GPC6: variants seen among roughly 807,000 people sequenced by gnomAD.
GPC6 encodes glypican 6, also known as glypican-6.
A neutral mutation model predicts 55.2 loss-of-function variants in GPC6; 14 were observed. The observed-to-expected ratio is 0.25, with a 90% CI of 0.17 to 0.40. GPC6 has a LOEUF of 0.40. Among genes scored for constraint, GPC6 ranks in the 10% least tolerant of loss-of-function variants. The pLI is 1.00. For missense variants in GPC6, 641 were observed against 708.5 expected, an observed-to-expected ratio of 0.90 and a Z score of 1.08; for synonymous variants, 278 against 259.6, an observed-to-expected ratio of 1.07 and a Z score of -0.68.
chr13:94,064,518 A>G (rs78048699), intron 4 of GPC6, among the ~76,000 whole-genome samples: 3 of 152,110 alleles, frequency 2.0e-5, no homozygotes, highest in African/African-American at 4.8e-5. Flanking sequence ...CAGTTGCCCA[A>G]TATGTGTCTT....
At chr13:93,322,367 T>C (rs1001302304) in intron 1 of GPC6, among the ~76,000 whole-genome samples, 2 of 151,868 alleles carry the variant, frequency 1.3e-5, no homozygotes, top group Non-Finnish European at 2.9e-5. Flanking sequence ...ATCCCACTTA[T>C]AAGTGAGAAC....
intron 3 of GPC6, among the ~76,000 whole-genome samples, chr13:93,939,612 A>C (rs1412070209): frequency 6.6e-6 from 1 of 152,006 alleles, no homozygotes; most frequent in Non-Finnish European, 1.5e-5. Context: ...ACAGAAAAGC[A>C]ATAACACTAA....
At chr13:93,861,405 T>C (rs1384818218) in intron 3 of GPC6, among the ~76,000 whole-genome samples, 2 of 127,070 alleles carry the variant, frequency 1.6e-5, no homozygotes, top group Non-Finnish European at 3.3e-5. Context: ...GAGTTGTATA[T>C]GTAAAAAAAA....
intron 3 of GPC6, among the ~76,000 whole-genome samples, chr13:93,871,772 AT>A (rs538550438): frequency 5.3e-4 from 81 of 152,116 alleles, no homozygotes; most frequent in African/African-American, 1.9e-3. Context: ...GAAGTGAAAT[AT>A]CCTCTTAATT....
chr13:93,786,279 C>G (rs1303170457), intron 2 of GPC6, among the ~76,000 whole-genome samples: 1 of 152,130 alleles, frequency 6.6e-6, no homozygotes, highest in Non-Finnish European at 1.5e-5. Flanking sequence ...AGACAGTTTG[C>G]ATCAGGATAT....
intron 2 of GPC6, among the ~76,000 whole-genome samples, chr13:93,714,020 C>T (rs1383137291): frequency 6.6e-6 from 1 of 151,716 alleles, no homozygotes; most frequent in African/African-American, 2.4e-5. Context: ...TGTTCATCAG[C>T]CTTGAGAAAG....
At chr13:94,370,358 C>A (rs1879484773) in intron 6 of GPC6, among the ~76,000 whole-genome samples, 1 of 152,154 alleles carries the variant, frequency 6.6e-6, no homozygotes, top group Non-Finnish European at 1.5e-5. Context: ...GCTCCCATAG[C>A]CCTTTGCTTA....
rs541061433 is a variant in GPC6, at chr13:93,468,069, C to G, written c.161-77194C>G. Among the ~76,000 whole-genome samples the G allele has an allele frequency of 3.3e-5, 5 of 152,236 alleles. No individual in the cohort carries two copies. In the South Asian group the frequency reaches 1.0e-3, roughly 32 times the overall value. ...AATATCTTCAATCATTTGTCTTGATCTTAATGGCCATTGTCCTGTAATGAA... is the reference window on the plus strand; with the variant it reads ...AATATCTTCAATCATTTGTCTTGATGTTAATGGCCATTGTCCTGTAATGAA... On this transcript the variant is annotated intron_variant, in intron 1 of 8. Coordinates refer to ENST00000377047, the MANE Select transcript of GPC6 (RefSeq NM_005708.5).
chr13:93,921,857 A>T (rs1465269780), intron 3 of GPC6, among the ~76,000 whole-genome samples: 2 of 151,858 alleles, frequency 1.3e-5, no homozygotes, highest in Non-Finnish European at 2.9e-5. Context: ...CAGGTTTCCA[A>T]GCTTGAGGGT....
intron 1 of GPC6, among the ~76,000 whole-genome samples, chr13:93,333,855 T>A (rs1879946960): frequency 6.6e-6 from 1 of 152,134 alleles, no homozygotes; most frequent in Non-Finnish European, 1.5e-5. Flanking sequence ...GCTACTGATT[T>A]TTCTATGTTG....
chr13:93,273,674 A>AACAC (rs1877628027), intron 1 of GPC6, among the ~76,000 whole-genome samples: 1 of 152,072 alleles, frequency 6.6e-6, no homozygotes, highest in Non-Finnish European at 1.5e-5. Flanking sequence ...CAAACAAACA[A>AACAC]ACAAGTACTG....
intron 3 of GPC6, among the ~76,000 whole-genome samples, chr13:93,851,892 G>A (rs1888415549): frequency 6.6e-6 from 1 of 151,714 alleles, no homozygotes. Context: ...ATAATAGGAA[G>A]TGGGGATGAT....
intron 1 of GPC6, among the ~76,000 whole-genome samples, chr13:93,418,436 A>ATTAATAGCACTATACCATAGTATTG (rs1566346199): frequency 0.02 from 2,975 of 151,320 alleles, 116 homozygotes; most frequent in African/African-American, 0.068. Flanking sequence ...CCATAGTATT[A>ATTAATAGCACTATACCATAGTATTG]CTTTATTAAT....
chr13:93,919,335 A>C (rs1355009186), intron 3 of GPC6, among the ~76,000 whole-genome samples: 2 of 152,184 alleles, frequency 1.3e-5, no homozygotes, highest in East Asian at 3.9e-4. Flanking sequence ...AGGATTAGGC[A>C]CCTCTATGGC....
At chr13:93,395,365 G>T in intron 1 of GPC6, 1 of 395,092 alleles carries the variant, frequency 2.5e-6, no homozygotes, top group Non-Finnish European at 4.7e-6. Flanking sequence ...TCACAGGATG[G>T]TATTTCGGAA....
intron 3 of GPC6, among the ~76,000 whole-genome samples, chr13:93,834,206 A>G (rs1221033177): frequency 6.6e-6 from 1 of 152,190 alleles, no homozygotes; most frequent in Non-Finnish European, 1.5e-5. Context: ...GATCTTTTAC[A>G]ATGACATAGA....
chr13:93,797,006 A>G (rs1194370989), intron 2 of GPC6, among the ~76,000 whole-genome samples: 1 of 152,274 alleles, frequency 6.6e-6, no homozygotes, highest in African/African-American at 2.4e-5. Flanking sequence ...CCACAAGTCA[A>G]CAACCTAACA....
intron 1 of GPC6, among the ~76,000 whole-genome samples, chr13:93,492,497 A>G (rs1376392639): frequency 6.6e-6 from 1 of 150,884 alleles, no homozygotes; most frequent in Non-Finnish European, 1.5e-5. Context: ...TCTTTTCCCT[A>G]TTGAATACCC....
chr13:93,606,007 T>C (rs927539173), intron 2 of GPC6, among the ~76,000 whole-genome samples: 10 of 152,130 alleles, frequency 6.6e-5, no homozygotes, highest in Non-Finnish European at 1.0e-4. Flanking sequence ...CATAGATTGA[T>C]GGAAATATAG....
Sources: allele counts gnomAD v4.1 joint callset (sites outside exome capture counted in the v4.1 genomes callset), GRCh38; gene constraint gnomAD v4.1.1; transcripts MANE v1.5; gene names NCBI Gene and HGNC (gene_info 2026-07-23, HGNC 2026-07-21).